Variants in SEMA3A observed in about 807,000 individuals in gnomAD.
The protein encoded by SEMA3A is semaphorin-3A.
Under a neutral mutation model 97.9 loss-of-function variants are expected in SEMA3A, and 29 were observed. The observed-to-expected ratio is 0.30, with a 90% CI of 0.22 to 0.40. SEMA3A has a LOEUF of 0.40. Ranked by LOEUF, SEMA3A falls within the 10% of genes least tolerant of loss-of-function variation. The pLI, the probability that SEMA3A is intolerant of heterozygous loss-of-function variation, is 1.00. For missense variants in SEMA3A, 763 were observed against 951.3 expected (o/e 0.80, Z 2.60); for synonymous variants, 321 against 323.7 (o/e 0.99, Z 0.09).
chr7:84,024,815 C>T (rs1042981753), intron 6 of SEMA3A, among the ~76,000 whole-genome samples: 4 of 152,214 alleles, frequency 2.6e-5, no homozygotes, highest in South Asian at 2.1e-4. Context: ...AGATCAGGTG[C>T]GGTGGCTCAT....
At chr7:84,086,467 ATATGTATTAT>A (rs1303844963) in intron 4 of SEMA3A, among the ~76,000 whole-genome samples, 1 of 86,318 alleles carries the variant, frequency 1.2e-5, no homozygotes, top group Non-Finnish European at 2.3e-5. Flanking sequence ...TTCATATATA[ATATGTATTAT>A]TATATTATAT....
chr7:83,962,207 G>A (rs932133216), intron 16 of SEMA3A, among the ~76,000 whole-genome samples: 3 of 151,748 alleles, frequency 2.0e-5, no homozygotes, highest in Admixed American at 6.6e-5. Flanking sequence ...AGAAAGATAC[G>A]GGGCATTAGA....
At chr7:84,342,150 C>G (rs1190255909) in intron 2 of SEMA3A, among the ~76,000 whole-genome samples, 1 of 152,144 alleles carries the variant, frequency 6.6e-6, no homozygotes, top group African/African-American at 2.4e-5. Context: ...ATTCTCCTGC[C>G]TCAGCCTCCC....
intron 1 of SEMA3A, among the ~76,000 whole-genome samples, chr7:84,378,770 T>C (rs1296614707): frequency 6.6e-6 from 1 of 152,130 alleles, no homozygotes; most frequent in African/African-American, 2.4e-5. Context: ...TTATATAACT[T>C]AGACTATACT....
chr7:84,055,241 G>A (rs1192115779), intron 5 of SEMA3A, among the ~76,000 whole-genome samples: 3 of 152,156 alleles, frequency 2.0e-5, no homozygotes, highest in South Asian at 2.1e-4. Context: ...CCCAGTTGGA[G>A]CTTCCAGGCT....
intron 2 of SEMA3A, among the ~76,000 whole-genome samples, chr7:84,344,411 A>T (rs1802245072): frequency 6.6e-6 from 1 of 152,192 alleles, no homozygotes; most frequent in Admixed American, 6.5e-5. Flanking sequence ...AATTGCACCA[A>T]GGTGTTGCTT....
At chr7:84,348,423 A>C (rs555534267) in intron 2 of SEMA3A, among the ~76,000 whole-genome samples, 1 of 152,280 alleles carries the variant, frequency 6.6e-6, no homozygotes, top group Non-Finnish European at 1.5e-5. Flanking sequence ...TATTTTTGTA[A>C]AAATTATTAT....
rs541779281 is a variant in SEMA3A, at chr7:84,231,612, T to A, written c.-82-36944A>T. 3.9e-5 allele frequency among the ~76,000 whole-genome samples: 6 copies of A among 152,060 alleles called. No individual in the cohort carries two copies. In the South Asian group the frequency reaches 1.2e-3, roughly 32 times the overall value. On this transcript the variant is annotated intron_variant, in intron 3 of 3. Coordinates refer to the SEMA3A transcript ENST00000424555. ...AAGCCAGTTAAAATAGAGCACCAGA[T>A]AACCATGGGAAAGCTGCTGATGTGG...
At chr7:84,335,776 G>A (rs1419371167) in intron 2 of SEMA3A, among the ~76,000 whole-genome samples, 4 of 151,896 alleles carry the variant, frequency 2.6e-5, no homozygotes, top group Non-Finnish European at 5.9e-5. Flanking sequence ...TATAATGTGG[G>A]CTACATATTT....
intron 4 of SEMA3A, among the ~76,000 whole-genome samples, chr7:84,103,495 A>G (rs973956375): frequency 6.6e-6 from 1 of 152,202 alleles, no homozygotes; most frequent in African/African-American, 2.4e-5. Context: ...ATAAATCATC[A>G]CAGTTAAAAA....
chr7:84,169,832 G>A (rs567949904), intron 1 of SEMA3A, among the ~76,000 whole-genome samples: 12 of 151,846 alleles, frequency 7.9e-5, no homozygotes, highest in African/African-American at 2.9e-4. Flanking sequence ...TGTTACAAAT[G>A]ACCATAACTG....
In SEMA3A at chr7:84,310,635, G is replaced by A. The variant is rs371135119; in HGVS notation, c.-168-3343C>T. Among the ~76,000 whole-genome samples the A allele has an allele frequency of 6.6e-5, 10 of 151,906 alleles. No individual in the cohort carries two copies. The East Asian group carries it at 9.6e-4, about 15-fold the overall frequency. On this transcript the variant is annotated intron_variant, in intron 2 of 3. Coordinates refer to the SEMA3A transcript ENST00000424555. Reference sequence around the variant, plus strand: ...AAATCTGATGTCTGCTAGTTCTTACGGGGCCGTACTAAGAACAAATAAAAC... The same window carrying A: ...AAATCTGATGTCTGCTAGTTCTTACAGGGCCGTACTAAGAACAAATAAAAC...
At chr7:84,437,365 A>AG (rs1273423360) in intron 1 of SEMA3A, among the ~76,000 whole-genome samples, 2 of 151,974 alleles carry the variant, frequency 1.3e-5, no homozygotes, top group Non-Finnish European at 2.9e-5. Context: ...CTCTCCCTTG[A>AG]ATGTTTATTT....
intron 13 of SEMA3A, among the ~76,000 whole-genome samples, chr7:83,982,218 C>A (rs1322175639): frequency 6.6e-6 from 1 of 152,034 alleles, no homozygotes; most frequent in African/African-American, 2.4e-5. Context: ...TTGAGCTATT[C>A]ATATAATTTT....
intron 1 of SEMA3A, among the ~76,000 whole-genome samples, chr7:84,482,173 TTAA>T (rs1200241820): frequency 2.6e-5 from 4 of 152,230 alleles, no homozygotes; most frequent in African/African-American, 9.6e-5. Flanking sequence ...GGTAGTGTTA[TTAA>T]TGTTATTAAT....
chr7:84,487,406 G>A (rs932061680), intron 1 of SEMA3A, among the ~76,000 whole-genome samples: 7 of 152,122 alleles, frequency 4.6e-5, no homozygotes, highest in Non-Finnish European at 7.4e-5. Flanking sequence ...AGAAGTGTCC[G>A]CCAGCAATGT....
At chr7:84,116,262 T>C (rs1489540905) in intron 3 of SEMA3A, among the ~76,000 whole-genome samples, 1 of 152,152 alleles carries the variant, frequency 6.6e-6, no homozygotes, top group African/African-American at 2.4e-5. Flanking sequence ...AGTTTAGTGT[T>C]TGTGACATAG....
chr7:84,262,425 G>A (rs1345661547), intron 3 of SEMA3A, among the ~76,000 whole-genome samples: 1 of 152,038 alleles, frequency 6.6e-6, no homozygotes, highest in African/African-American at 2.4e-5. Context: ...ATATTGGTCA[G>A]GCTGGTCTTG....
chr7:84,484,414 G>C (rs182244370), intron 1 of SEMA3A, among the ~76,000 whole-genome samples: 2 of 151,880 alleles, frequency 1.3e-5, no homozygotes, highest in Admixed American at 6.6e-5. Flanking sequence ...TTAAATTATA[G>C]AGTATAGCTA....
Sources: gnomAD v4.1 joint callset for allele counts (sites outside exome capture counted in the v4.1 genomes callset) on GRCh38, gnomAD v4.1.1 for gene constraint, MANE v1.5 for transcripts, NCBI Gene and HGNC (gene_info 2026-07-23, HGNC 2026-07-21) for gene names.